Variants in ADCK1 observed in about 807,000 individuals in gnomAD.
ADCK1 encodes aarF domain containing kinase 1.
A neutral mutation model predicts 52.3 loss-of-function variants in ADCK1; 41 were observed. That is an observed-to-expected ratio of 0.78 (90% CI 0.61 to 1.02). ADCK1 has a LOEUF of 1.02. Among genes scored for constraint, ADCK1 ranks in the 50% least tolerant of loss-of-function variants. The pLI is 0.00. For missense variants in ADCK1, 658 were observed against 679.5 expected, an observed-to-expected ratio of 0.97 and a Z score of 0.35; for synonymous variants, 250 against 274.6, an observed-to-expected ratio of 0.91 and a Z score of 0.89.
At chr14:77,904,077 A>G (rs879387405) in intron 6 of ADCK1, among the ~76,000 whole-genome samples, 5 of 152,120 alleles carry the variant, frequency 3.3e-5, no homozygotes, top group Non-Finnish European at 5.9e-5. Context: ...TTCACCCTCC[A>G]TATGGTTTTG....
chr14:77,918,243 T>C (rs2083972564), intron 7 of ADCK1, among the ~76,000 whole-genome samples: 2 of 152,182 alleles, frequency 1.3e-5, no homozygotes. Flanking sequence ...TACAAGACAG[T>C]TCAGTGGCAG....
At chr14:77,902,326 T>C (rs758733165) in intron 6 of ADCK1, 1 of 152,198 alleles carries the variant, frequency 6.6e-6, no homozygotes, top group Non-Finnish European at 1.5e-5. Context: ...ATACTCCCAG[T>C]ATGCTTGACT....
chr14:77,840,667 G>T (rs893691915), intron 3 of ADCK1, among the ~76,000 whole-genome samples: 1 of 152,106 alleles, frequency 6.6e-6, no homozygotes, highest in Non-Finnish European at 1.5e-5. Context: ...GGACAACATG[G>T]TGAAACCCTG....
At chr14:77,925,996 A>T (rs777476491) in intron 9 of ADCK1, 35 bp downstream of exon 9, 1 of 1,610,038 alleles carries the variant, frequency 6.2e-7, no homozygotes, top group African/African-American at 1.3e-5. Context: ...CTCTTCCTAA[A>T]TGCAGAAGGC....
At chr14:77,826,258 C>A (rs1295881276) in intron 3 of ADCK1, among the ~76,000 whole-genome samples, 1 of 152,218 alleles carries the variant, frequency 6.6e-6, no homozygotes, top group Non-Finnish European at 1.5e-5. Context: ...CATTGGAGCG[C>A]TTATCCCTTC....
chr14:77,929,516 C>T (rs1397632999), intron 9 of ADCK1, among the ~76,000 whole-genome samples: 48 of 152,180 alleles, frequency 3.2e-4, no homozygotes, highest in Admixed American at 2.9e-3. Flanking sequence ...CATTGGCTGA[C>T]GCAGGTCACG....
At position 77,934,779 on chromosome 14, in the gene ADCK1, T is replaced by C. The variant is rs2084414454; in HGVS notation, c.*1388T>C. 6.6e-6 allele frequency: 1 copy of C among 152,228 alleles called. No individual in the cohort carries two copies. Among genetic ancestry groups the C allele is most frequent in the African/African-American group, 2.4e-5 (1 of 41,454 alleles). The allele number at this position is 152,228 out of a possible 1,614,324, so 9.4% of individuals were successfully genotyped here. Reference sequence around the variant, plus strand: ...AAAATCCTGAATTTGAGCCTAATTTTCTGTACTCTTTATTCATAGTACAGC... The same window carrying C: ...AAAATCCTGAATTTGAGCCTAATTTCCTGTACTCTTTATTCATAGTACAGC... On this transcript the variant is annotated 3_prime_UTR_variant, in exon 11 of 11. Transcript: ENST00000238561.
intron 3 of ADCK1, among the ~76,000 whole-genome samples, chr14:77,824,612 T>C (rs1362680461): frequency 6.6e-6 from 1 of 151,978 alleles, no homozygotes. Context: ...TTTTGTATTT[T>C]TAGTAGAGAC....
intron 3 of ADCK1, among the ~76,000 whole-genome samples, chr14:77,832,431 A>C (rs1270837804): frequency 6.6e-6 from 1 of 152,192 alleles, no homozygotes; most frequent in Non-Finnish European, 1.5e-5. Context: ...AAAAGCACCA[A>C]GTTGGACAGA....
At chr14:77,887,688 A>T (rs1022777581) in intron 5 of ADCK1, among the ~76,000 whole-genome samples, 8 of 152,202 alleles carry the variant, frequency 5.3e-5, no homozygotes, top group Non-Finnish European at 8.8e-5. Context: ...ACATAGAAAC[A>T]TCTATGCAGG....
chr14:77,826,535 A>C lies in ADCK1; in HGVS notation c.219+4017A>C, dbSNP rs1211136786. ...CAGCCAAGGTGGTGGGGAGGGGCTC[A>C]TGTGCTTTGGAGAACCAGATCCCTG... On this transcript the variant is annotated intron_variant, in intron 3 of 10. Transcript: ENST00000238561. Among the ~76,000 whole-genome samples the C allele has an allele frequency of 3.3e-5, 5 of 152,172 alleles. 1 individual carries two copies. The highest frequency in any genetic ancestry group is 1.2e-4 in the African/African-American group (5 of 41,444).
Position 77,824,415 on chromosome 14 carries a change from C to CCTTT in ADCK1, c.219+1918_219+1921dup, listed in dbSNP as rs1162665297. Among the ~76,000 whole-genome samples, 85 of 150,784 alleles carry CCTTT rather than the reference C, an allele frequency of 5.6e-4. 1 individual carries two copies. The highest frequency in any genetic ancestry group is 3.5e-3 in the Middle Eastern group (1 of 288). ...TTCCCTTGTCCCCAAAATGTCTTTT[C>CCTTT]CTTTCTTTCTTTCTTTCTTTCTTTT... is the stretch of plus-strand genomic sequence containing the variant. On this transcript the variant is annotated intron_variant, in intron 3 of 10. Transcript: ENST00000238561.
Position 77,839,389 on chromosome 14 carries a change from A to C in ADCK1, c.219+16871A>C, listed in dbSNP as rs975253859. Among the ~76,000 whole-genome samples, 7 of 152,058 alleles carry C rather than the reference A, an allele frequency of 4.6e-5. No homozygotes were observed. The South Asian group carries it at 1.5e-3, about 32-fold the overall frequency. On this transcript the variant is annotated intron_variant, in intron 3 of 10. Coordinates refer to ENST00000238561, the MANE Select transcript of ADCK1 (RefSeq NM_020421.4). ...TTCAAAGGATGGGCAGGTTCCGGGAAATGGCAAGCTGTGTGCTGGGGCGAG... is the reference window on the plus strand; with the variant it reads ...TTCAAAGGATGGGCAGGTTCCGGGACATGGCAAGCTGTGTGCTGGGGCGAG...
chr14:77,817,519 C>A (rs1190898989), intron 1 of ADCK1, among the ~76,000 whole-genome samples: 1 of 152,088 alleles, frequency 6.6e-6, no homozygotes, highest in African/African-American at 2.4e-5. Flanking sequence ...GTGCACTGGC[C>A]GCAAAGAGTG....
In ADCK1 at chr14:77,810,219, A is replaced by T. The variant is rs143350706; in HGVS notation, c.-11-8749A>T. Among the ~76,000 whole-genome samples, 754 of 151,750 alleles carry T rather than the reference A, an allele frequency of 5.0e-3. 1 individual carries two copies. The highest frequency in any genetic ancestry group is 8.9e-3 in the Non-Finnish European group (607 of 67,918). On this transcript the variant is annotated intron_variant, in intron 1 of 10. Transcript: ENST00000238561. The stretch of plus-strand genomic sequence containing the variant: ...AGCCTCGACCTTCCAGGCTCAAGTG[A>T]TCCTCCTACCTCAGCCTCCTGAGTA...
intron 6 of ADCK1, among the ~76,000 whole-genome samples, chr14:77,900,323 A>G (rs573967212): frequency 3.5e-4 from 54 of 152,140 alleles, no homozygotes; most frequent in Non-Finnish European, 6.8e-4. Flanking sequence ...ATGGTGGCTG[A>G]TGGCAGTAAT....
At position 77,852,656 on chromosome 14, in the gene ADCK1, AATAAATATATAT is replaced by A. The variant is rs1216917273; in HGVS notation, c.220-6416_220-6405del. 5.8e-3 allele frequency among the ~76,000 whole-genome samples: 151 copies of A among 26,186 alleles called. 9 individuals carry two copies. In the East Asian group the frequency reaches 0.12, roughly 20 times the overall value. The allele number at this position is 26,186 out of a possible 152,430, so 17.2% of individuals were successfully genotyped here. On this transcript the variant is annotated intron_variant, in intron 3 of 10. Transcript: ENST00000238561. Reference sequence around the variant, plus strand: ...ATTTCAGCCATTATTTCTTTAAATAAATAAATATATATATATATATATATATATATATATATA... The same window carrying A: ...ATTTCAGCCATTATTTCTTTAAATAAATATATATATATATATATATATATA...
chr14:77,931,815 T>A, intron 10 of ADCK1, 104 bp downstream of exon 10: 1 of 1,221,146 alleles, frequency 8.2e-7, no homozygotes, highest in Non-Finnish European at 1.1e-6. Context: ...GGGCCCTGCC[T>A]GAGCTTCCCA....
At chr14:77,865,913 C>A (rs1432684646) in intron 4 of ADCK1, among the ~76,000 whole-genome samples, 1 of 152,182 alleles carries the variant, frequency 6.6e-6, no homozygotes, top group African/African-American at 2.4e-5. Flanking sequence ...GTGTATTGTG[C>A]TGTGTGCTTT....
Sources: allele counts gnomAD v4.1 joint callset (sites outside exome capture counted in the v4.1 genomes callset), GRCh38; gene constraint gnomAD v4.1.1; transcripts MANE v1.5; gene names NCBI Gene and HGNC (gene_info 2026-07-23, HGNC 2026-07-21).